Variants in GCNT2 observed in about 807,000 individuals in gnomAD.
The protein encoded by GCNT2 is glucosaminyl (N-acetyl) transferase 2 (I blood group).
GCNT2 carries 34 observed loss-of-function variants against 34.2 expected under a neutral mutation model. The observed-to-expected ratio is 1.00, with a 90% CI of 0.76 to 1.32. The LOEUF (loss-of-function observed/expected upper bound fraction) is 1.32, where lower values mean the gene tolerates loss of function less well. Among genes scored for constraint, GCNT2 ranks in the 40% most tolerant of loss-of-function variants. The pLI is 0.00. For synonymous variants in GCNT2, 212 were observed against 188.0 expected, an observed-to-expected ratio of 1.13 and a Z score of -1.04; for missense variants, 584 against 489.4, an observed-to-expected ratio of 1.19 and a Z score of -1.82.
intron 3 of GCNT2, among the ~76,000 whole-genome samples, chr6:10,549,561 CTCT>C (rs1762399842): frequency 1.8e-5 from 2 of 111,298 alleles, no homozygotes; most frequent in Admixed American, 8.4e-5. Context: ...CAATCTCTCT[CTCT>C]TTTTTTTTTT....
rs1762712428 is a variant in GCNT2, at chr6:10,556,527, G to A, written c.925+26691G>A. 2.5e-6 allele frequency: 4 copies of A among 1,613,924 alleles called. No individual in the cohort carries two copies. Among genetic ancestry groups the A allele is most frequent in the African/African-American group, 1.3e-5 (1 of 74,902 alleles). On this transcript the variant is annotated intron_variant, in intron 3 of 4. Coordinates refer to ENST00000495262, the MANE Select transcript of GCNT2 (RefSeq NM_145649.5). ...TTTGGGGGAGATCCAAGCTTCCAAA[G>A]GCTAAATATCTCAGACCCTTTGAGG...
chr6:10,528,796 G>A lies in GCNT2; in HGVS notation c.-116G>A, dbSNP rs966269407. The A allele has an allele frequency of 1.6e-5, 13 of 833,432 alleles. No homozygotes were observed. The highest frequency in any genetic ancestry group is 7.4e-5 in the East Asian group (3 of 40,606). 51.6% of individuals were successfully genotyped at this position (833,432 alleles called of 1,614,324 possible). A position where few individuals can be genotyped will look rare whatever the true frequency, so the allele number is the denominator to read the frequency against. ...CTGAAGGGACAGGGAACAGCCAGAC[G>A]AGAGCTTCAGCCATCACGAGGATGA... is the stretch of plus-strand genomic sequence containing the variant. On this transcript the variant is annotated 5_prime_UTR_variant, in exon 3 of 5. Coordinates refer to ENST00000495262, the MANE Select transcript of GCNT2 (RefSeq NM_145649.5).
chr6:10,525,424 C>G (rs909540372), intron 1 of GCNT2, among the ~76,000 whole-genome samples: 3 of 152,094 alleles, frequency 2.0e-5, no homozygotes, highest in Non-Finnish European at 4.4e-5. Flanking sequence ...AACAATCTCG[C>G]GTCCTTTTGG....
At chr6:10,531,242 T>G (rs1761473480) in intron 3 of GCNT2, among the ~76,000 whole-genome samples, 1 of 152,190 alleles carries the variant, frequency 6.6e-6, no homozygotes, top group Non-Finnish European at 1.5e-5. Flanking sequence ...CCATCTCTCC[T>G]TTGGTCCAAG....
intron 3 of GCNT2, among the ~76,000 whole-genome samples, chr6:10,584,893 T>C (rs973142285): frequency 6.6e-6 from 1 of 151,782 alleles, no homozygotes; most frequent in Non-Finnish European, 1.5e-5. Context: ...TGATCTCTCT[T>C]TCTTTTCCCC....
At chr6:10,579,830 A>AAC (rs1763987270) in intron 3 of GCNT2, among the ~76,000 whole-genome samples, 1 of 111,994 alleles carries the variant, frequency 8.9e-6, no homozygotes, top group Admixed American at 8.1e-5. Flanking sequence ...AACAAACAAA[A>AAC]AAAAAAAAAA....
chr6:10,533,862 T>A (rs1268675833), intron 3 of GCNT2, among the ~76,000 whole-genome samples: 9 of 149,714 alleles, frequency 6.0e-5, no homozygotes, highest in Non-Finnish European at 1.2e-4. Context: ...GAAACATCAC[T>A]TTTACTTGTG....
intron 3 of GCNT2, among the ~76,000 whole-genome samples, chr6:10,610,163 T>C (rs370171271): frequency 3.3e-5 from 5 of 152,334 alleles, no homozygotes; most frequent in East Asian, 3.9e-4. Flanking sequence ...GCAATGCTAT[T>C]ATCAACCAGC....
chr6:10,550,617 A>G (rs539691215), intron 3 of GCNT2, among the ~76,000 whole-genome samples: 167 of 152,210 alleles, frequency 1.1e-3, no homozygotes, highest in African/African-American at 3.9e-3. Context: ...CAGCCACCCA[A>G]GTAGATGGCA....
intron 3 of GCNT2, among the ~76,000 whole-genome samples, chr6:10,558,276 A>G (rs1217286518): frequency 6.6e-6 from 1 of 152,228 alleles, no homozygotes; most frequent in East Asian, 1.9e-4. Context: ...ATAAGTATAT[A>G]TTAGATGAAT....
chr6:10,581,959 G>A, intron 3 of GCNT2: 6 of 492,618 alleles, frequency 1.2e-5, no homozygotes, highest in Non-Finnish European at 1.6e-5. Flanking sequence ...TAATAAAATA[G>A]TAATATATAT....
chr6:10,563,775 A>ATATATATATATAT (rs1313695628), intron 3 of GCNT2, among the ~76,000 whole-genome samples: 3 of 30,450 alleles, frequency 9.9e-5, no homozygotes, highest in Non-Finnish European at 1.7e-4. Context: ...AAAAAAAAAA[A>ATATATATATATAT]AAATATATAT....
intron 3 of GCNT2, among the ~76,000 whole-genome samples, chr6:10,540,110 G>T (rs1038893293): frequency 1.3e-5 from 2 of 151,494 alleles, no homozygotes; most frequent in Non-Finnish European, 2.9e-5. Context: ...GGAAGGAAAA[G>T]GAAGAAAGTA....
intron 3 of GCNT2, among the ~76,000 whole-genome samples, chr6:10,600,296 C>T (rs1765038111): frequency 6.6e-6 from 1 of 152,116 alleles, no homozygotes; most frequent in Admixed American, 6.6e-5. Flanking sequence ...ACATCAAAGT[C>T]TTATAGGTAT....
chr6:10,565,993 AAC>A (rs934353166), intron 3 of GCNT2, among the ~76,000 whole-genome samples: 3 of 152,048 alleles, frequency 2.0e-5, no homozygotes, highest in Admixed American at 2.0e-4. Context: ...ACCTTCACCA[AAC>A]ACAGAGAGCT....
At chr6:10,543,928 G>T (rs1762149576) in intron 3 of GCNT2, among the ~76,000 whole-genome samples, 1 of 152,068 alleles carries the variant, frequency 6.6e-6, no homozygotes. Context: ...GTCTGACATT[G>T]AATTAAGGAC....
chr6:10,572,385 T>C (rs1763590734), intron 3 of GCNT2, among the ~76,000 whole-genome samples: 1 of 152,210 alleles, frequency 6.6e-6, no homozygotes, highest in South Asian at 2.1e-4. Flanking sequence ...GCTTTTCCCA[T>C]TGTTTTTGAG....
chr6:10,587,684 G>A (rs1275532459), intron 3 of GCNT2, among the ~76,000 whole-genome samples: 1 of 152,198 alleles, frequency 6.6e-6, no homozygotes, highest in South Asian at 2.1e-4. Context: ...GGTATGCCAG[G>A]CAGCTGAGGC....
chr6:10,562,574 A>G (rs1299526799), intron 3 of GCNT2, among the ~76,000 whole-genome samples: 2 of 147,474 alleles, frequency 1.4e-5, no homozygotes, highest in African/African-American at 5.0e-5. Context: ...ATTATTCACC[A>G]GGCATGGTGG....
Sources: gnomAD v4.1 joint callset for allele counts (sites outside exome capture counted in the v4.1 genomes callset) on GRCh38, gnomAD v4.1.1 for gene constraint, MANE v1.5 for transcripts, NCBI Gene and HGNC (gene_info 2026-07-23, HGNC 2026-07-21) for gene names.